TMCC1: variants seen among roughly 807,000 people sequenced by gnomAD.
TMCC1 encodes transmembrane and coiled-coil domain family 1.
Under a neutral mutation model 52.4 loss-of-function variants are expected in TMCC1, and 15 were observed. That is an observed-to-expected ratio of 0.29 (90% CI 0.19 to 0.44). The LOEUF (loss-of-function observed/expected upper bound fraction) is 0.44, where lower values mean the gene tolerates loss of function less well. Among genes scored for constraint, TMCC1 ranks in the 20% least tolerant of loss-of-function variants. The probability of loss-of-function intolerance (pLI) is 1.00; values close to 1 mark genes in which losing one functional copy is unlikely to be tolerated. For synonymous variants in TMCC1, 279 were observed against 301.9 expected (o/e 0.92, Z 0.79); for missense variants, 503 against 806.0 (o/e 0.62, Z 4.55).
At chr3:129,820,133 C>T (rs1413428497) in intron 4 of TMCC1, among the ~76,000 whole-genome samples, 2 of 148,992 alleles carry the variant, frequency 1.3e-5, no homozygotes, top group Non-Finnish European at 3.0e-5. Flanking sequence ...GCAAGACCTA[C>T]AGTAGCAAAG....
At position 129,676,302 on chromosome 3, in the gene TMCC1, ATCAG is replaced by A. The variant is rs528062977; in HGVS notation, c.577-5042_577-5039del. 9.3e-3 allele frequency among the ~76,000 whole-genome samples: 1,423 copies of A among 152,272 alleles called. 13 individuals are homozygous for A. The highest frequency in any genetic ancestry group is 0.013 in the Non-Finnish European group (867 of 68,024). On this transcript the variant is annotated intron_variant, in intron 4 of 6. Transcript: ENST00000393238. ...TTAATTTGTATAGAAAAAGGTAAAA[ATCAG>A]TCAGTTAAATATATTTTGACTGTTT...
intron 4 of TMCC1, among the ~76,000 whole-genome samples, chr3:129,771,908 G>A (rs1274237974): frequency 2.0e-5 from 3 of 151,922 alleles, no homozygotes; most frequent in Non-Finnish European, 4.4e-5. Context: ...TTGTCTTGTC[G>A]GAAGTGATGT....
At chr3:129,768,474 C>T (rs1379283977) in intron 4 of TMCC1, among the ~76,000 whole-genome samples, 1 of 152,062 alleles carries the variant, frequency 6.6e-6, no homozygotes, top group Non-Finnish European at 1.5e-5. Flanking sequence ...CTAAGGTATC[C>T]TGTTTTCATT....
At position 129,651,222 on chromosome 3, in the gene TMCC1, T is replaced by C; in HGVS notation, c.*259A>G. 1 of 463,966 alleles carries C rather than the reference T, an allele frequency of 2.2e-6. No homozygotes were observed. The highest frequency in any genetic ancestry group is 3.9e-6 in the Non-Finnish European group (1 of 258,996). 28.7% of individuals were successfully genotyped at this position (463,966 alleles called of 1,614,324 possible). A position where few individuals can be genotyped will look rare whatever the true frequency, so the allele number is the denominator to read the frequency against. On this transcript the variant is annotated 3_prime_UTR_variant, in exon 7 of 7. Transcript: ENST00000393238. The surrounding 1 kb of genome is among the most constrained non-coding windows in gnomAD (Gnocchi z 5.1). Reference sequence around the variant, plus strand: ...AGATTGTTGGTTCATATTAAAGGACTGTTTTAAGATTTGCATCCCAAGGAA... The same window carrying C: ...AGATTGTTGGTTCATATTAAAGGACCGTTTTAAGATTTGCATCCCAAGGAA...
chr3:129,666,835 T>G (rs1226603562), intron 5 of TMCC1, among the ~76,000 whole-genome samples: 2 of 151,614 alleles, frequency 1.3e-5, no homozygotes, highest in African/African-American at 4.8e-5. Flanking sequence ...GAGGCTGAGG[T>G]GGAAGCACTG....
intron 4 of TMCC1, among the ~76,000 whole-genome samples, chr3:129,777,372 G>GT (rs1368892322): frequency 1.3e-5 from 2 of 152,136 alleles, no homozygotes; most frequent in Non-Finnish European, 2.9e-5. Context: ...TTGAAAATCC[G>GT]TATCTATTCT....
chr3:129,882,729 A>G (rs2061514854), intron 1 of TMCC1, among the ~76,000 whole-genome samples: 1 of 152,222 alleles, frequency 6.6e-6, no homozygotes. Context: ...TACAACATGG[A>G]TGAACCTTCA....
intron 2 of TMCC1, among the ~76,000 whole-genome samples, chr3:129,855,625 T>C (rs1004806663): frequency 2.0e-5 from 3 of 152,118 alleles, no homozygotes; most frequent in African/African-American, 7.2e-5. Context: ...CTCAGCCTCA[T>C]TCACAAAATT....
chr3:129,878,282 T>C (rs896271708), intron 2 of TMCC1, among the ~76,000 whole-genome samples: 10 of 152,190 alleles, frequency 6.6e-5, no homozygotes, highest in African/African-American at 1.4e-4. Flanking sequence ...TAAGTCTTAA[T>C]AGGCATGTTT....
intron 4 of TMCC1, among the ~76,000 whole-genome samples, chr3:129,808,818 A>T (rs1212470277): frequency 2.0e-5 from 3 of 151,282 alleles, no homozygotes; most frequent in African/African-American, 2.4e-5. Context: ...AAAAAAAAAT[A>T]GCAGCATAAG....
intron 4 of TMCC1, among the ~76,000 whole-genome samples, chr3:129,697,129 G>A (rs376193728): frequency 1.1e-4 from 17 of 152,272 alleles, no homozygotes; most frequent in East Asian, 9.7e-4. Flanking sequence ...TTTTCCTTCC[G>A]CACTGCCCTA....
In TMCC1 at chr3:129,655,874, T is replaced by G. The variant is rs907981589; in HGVS notation, c.1512-771A>C. On this transcript the variant is annotated intron_variant, in intron 5 of 6. Coordinates refer to ENST00000393238, the MANE Select transcript of TMCC1 (RefSeq NM_001017395.5). ...CTGGGATTACAGGCGTGAGCCACCA[T>G]GCCCAGCCTAGAAAAGGTTTAAAGG... Among the ~76,000 whole-genome samples, 7 of 152,276 alleles carry G rather than the reference T, an allele frequency of 4.6e-5. No homozygotes were observed. In the South Asian group the frequency reaches 6.2e-4, roughly 14 times the overall value.
chr3:129,845,851 GGGAGACCCTGTCTCT>G (rs1190322951), intron 2 of TMCC1, among the ~76,000 whole-genome samples: 1 of 152,048 alleles, frequency 6.6e-6, no homozygotes, highest in Non-Finnish European at 1.5e-5. Flanking sequence ...GGGCAACACA[GGGAGACCCTGTCTCT>G]ACAAAAAAAA....
chr3:129,656,315 G>A (rs2086665917), intron 5 of TMCC1, among the ~76,000 whole-genome samples: 1 of 152,182 alleles, frequency 6.6e-6, no homozygotes, highest in African/African-American at 2.4e-5. Context: ...GAGGGCAGAT[G>A]GGTAGCTCTC....
At position 129,702,914 on chromosome 3, in the gene TMCC1, G is replaced by C. The variant is rs185004133; in HGVS notation, c.577-31650C>G. The stretch of plus-strand genomic sequence containing the variant: ...GCCTGTAATCTCAGCTACTTGGAAG[G>C]CTGAGGCAGGAGAATCGCTTGAACC... On this transcript the variant is annotated intron_variant, in intron 4 of 6. Coordinates refer to ENST00000393238, the MANE Select transcript of TMCC1 (RefSeq NM_001017395.5). Among the ~76,000 whole-genome samples the C allele has an allele frequency of 8.8e-3, 1,346 of 152,306 alleles. 16 individuals carry two copies. Among genetic ancestry groups the C allele is most frequent in the Non-Finnish European group, 0.011 (723 of 68,026 alleles).
At chr3:129,801,533 G>A (rs1196407764) in intron 4 of TMCC1, among the ~76,000 whole-genome samples, 1 of 151,798 alleles carries the variant, frequency 6.6e-6, no homozygotes, top group Admixed American at 6.6e-5. Flanking sequence ...ACGATCTCGG[G>A]TCACTGCACC....
intron 4 of TMCC1, among the ~76,000 whole-genome samples, chr3:129,814,329 G>A (rs2057991104): frequency 6.6e-6 from 1 of 152,088 alleles, no homozygotes; most frequent in Non-Finnish European, 1.5e-5. Flanking sequence ...TCTAACATAA[G>A]TTGCCATCTC....
intron 2 of TMCC1, among the ~76,000 whole-genome samples, chr3:129,833,034 G>A (rs2058991081): frequency 6.6e-6 from 1 of 151,750 alleles, no homozygotes; most frequent in Non-Finnish European, 1.5e-5. Flanking sequence ...TTATAATCAA[G>A]AAAGAAAGTA....
intron 4 of TMCC1, among the ~76,000 whole-genome samples, chr3:129,711,984 A>G (rs939560469): frequency 1.2e-4 from 15 of 125,272 alleles, no homozygotes; most frequent in Non-Finnish European, 2.1e-4. Flanking sequence ...CCTGGGCGAC[A>G]GAGTGAGACT....
Sources: allele counts gnomAD v4.1 joint callset (sites outside exome capture counted in the v4.1 genomes callset), GRCh38; gene constraint gnomAD v4.1.1; non-coding constraint Gnocchi (gnomAD v3.1); transcripts MANE v1.5; gene names NCBI Gene and HGNC (gene_info 2026-07-23, HGNC 2026-07-21).